Variants in GRM5 observed in about 807,000 individuals in gnomAD.
The protein encoded by GRM5 is glutamate metabotropic receptor 5, also known as metabotropic glutamate receptor 5.
GRM5 carries 19 observed loss-of-function variants against 83.1 expected under a neutral mutation model. The observed-to-expected ratio is 0.23, with a 90% CI of 0.16 to 0.34. GRM5 has a LOEUF of 0.34. Ranked by LOEUF, GRM5 falls within the 10% of genes least tolerant of loss-of-function variation. The probability of loss-of-function intolerance (pLI) is 1.00; values close to 1 mark genes in which losing one functional copy is unlikely to be tolerated. For synonymous variants in GRM5, 675 were observed against 633.6 expected, an observed-to-expected ratio of 1.07 and a Z score of -0.98; for missense variants, 1,160 against 1,588.3, an observed-to-expected ratio of 0.73 and a Z score of 4.58.
At chr11:88,723,962 G>T (rs1941610686) in intron 3 of GRM5, among the ~76,000 whole-genome samples, 2 of 152,004 alleles carry the variant, frequency 1.3e-5, no homozygotes. Flanking sequence ...CTTCTATTTG[G>T]ATATCCATTA....
At chr11:88,531,485 T>C (rs1216715783) in intron 8 of GRM5, among the ~76,000 whole-genome samples, 2 of 152,186 alleles carry the variant, frequency 1.3e-5, no homozygotes, top group Admixed American at 6.5e-5. Context: ...ATGAATTCTT[T>C]CCTCATTTTT....
chr11:88,630,554 CACACACACACACACACACAA>C (rs1301075992), intron 4 of GRM5, among the ~76,000 whole-genome samples: 556 of 28,474 alleles, frequency 0.02, 2 homozygotes, highest in African/African-American at 0.047. Flanking sequence ...CACACACACA[CACACACACACACACACACAA>C]ACACACACAC....
rs544404398 is a variant in GRM5 at position 89,047,785 on chromosome 11, G to A, written c.88C>T (p.His30Tyr). 7.4e-6 allele frequency: 12 copies of A among 1,613,898 alleles called. No homozygotes were observed. The East Asian group carries it at 2.2e-4, about 30-fold the overall frequency. The change falls in exon 2 of 10, where the codon CAC (histidine) becomes TAC (tyrosine). Residue 30 changes from histidine (H) to tyrosine (Y), a missense_variant. By Grantham distance (83) the His-to-Tyr change is moderately conservative. This residue lies in a region of GRM5 where 71 missense variants were observed against 145.8 expected (regional missense o/e 0.49). Coordinates refer to ENST00000305447, the MANE Select transcript of GRM5 (RefSeq NM_001143831.3). The surrounding 1 kb of genome is among the most constrained non-coding windows in gnomAD (Gnocchi z 5.1). ...AQSSERRVVA[H>Y]MPGDIIIGAL... ...CCAATAATGATGTCACCCGGCATGT[G>A]AGCCACCACCCTCCTCTCACTGGAC...
intron 2 of GRM5, among the ~76,000 whole-genome samples, chr11:88,931,707 T>C (rs1937711137): frequency 6.6e-6 from 1 of 152,158 alleles, no homozygotes; most frequent in African/African-American, 2.4e-5. Flanking sequence ...AACTGAGAAT[T>C]ATTTTATTGT....
chr11:88,577,614 C>T (rs139718231), intron 7 of GRM5, among the ~76,000 whole-genome samples: 383 of 152,198 alleles, frequency 2.5e-3, no homozygotes, highest in Non-Finnish European at 4.0e-3. Context: ...TTCTTTAATA[C>T]CTACAAGGTC....
chr11:88,603,924 C>G (rs1459737595), intron 5 of GRM5, among the ~76,000 whole-genome samples: 1 of 152,128 alleles, frequency 6.6e-6, no homozygotes, highest in Non-Finnish European at 1.5e-5. Context: ...CACTGAGAGA[C>G]CAAAGGACCC....
At chr11:88,820,701 C>T (rs12279285) in intron 3 of GRM5, among the ~76,000 whole-genome samples, 4 of 152,106 alleles carry the variant, frequency 2.6e-5, no homozygotes, top group Admixed American at 2.0e-4. Context: ...CAAAATATTT[C>T]GTAAATGTCT....
chr11:88,566,468 T>C (rs975169171), intron 8 of GRM5, among the ~76,000 whole-genome samples: 6 of 152,184 alleles, frequency 3.9e-5, no homozygotes, highest in Non-Finnish European at 1.5e-5. Flanking sequence ...GCAAAGTCAC[T>C]TTGTTGTTTT....
At chr11:88,943,886 C>T (rs1362068911) in intron 2 of GRM5, among the ~76,000 whole-genome samples, 3 of 151,944 alleles carry the variant, frequency 2.0e-5, no homozygotes, top group African/African-American at 4.8e-5. Context: ...TTCAACCAAC[C>T]GAGCACAGAC....
intron 3 of GRM5, among the ~76,000 whole-genome samples, chr11:88,773,338 A>T (rs1381104295): frequency 6.6e-6 from 1 of 151,932 alleles, no homozygotes; most frequent in East Asian, 1.9e-4. Flanking sequence ...TTCTTTGTAG[A>T]TTCTGGATAT....
chr11:88,558,192 A>T (rs1942669879), intron 8 of GRM5, among the ~76,000 whole-genome samples: 1 of 152,110 alleles, frequency 6.6e-6, no homozygotes, highest in Admixed American at 6.6e-5. Flanking sequence ...AAGCATAAGG[A>T]TCCTTTGCCT....
In GRM5 at chr11:88,604,844, G is replaced by T; in HGVS notation, c.1268C>A (p.Ala423Glu). ...TGGCTTCATGGCATCACAGAGTCCT[G>T]CATAGCCTGGGCAGAGGGACATCTG... is the stretch of plus-strand genomic sequence containing the variant. ...NMQMSLCPGY[A>E]GLCDAMKPID... Residue 423 changes from alanine to glutamate, a missense_variant, in exon 5 of 10, where the codon GCA (alanine) becomes GAA (glutamate). Ala to Glu is a moderately radical substitution (Grantham distance 107). This residue lies in a region of GRM5 where 132 missense variants were observed against 197.6 expected (regional missense o/e 0.67). Coordinates refer to ENST00000305447, the MANE Select transcript of GRM5 (RefSeq NM_001143831.3). 2 of 1,613,964 alleles carry T rather than the reference G, an allele frequency of 1.2e-6. No individual in the cohort carries two copies. Among genetic ancestry groups the T allele is most frequent in the East Asian group, 2.2e-5 (1 of 44,868 alleles).
At chr11:88,715,705 C>T (rs1330637442) in intron 3 of GRM5, among the ~76,000 whole-genome samples, 2 of 151,900 alleles carry the variant, frequency 1.3e-5, no homozygotes, top group East Asian at 1.9e-4. Flanking sequence ...TTACTGTGTG[C>T]CAACTATGTT....
chr11:88,584,205 T>TACACAC (rs10526384), intron 7 of GRM5, among the ~76,000 whole-genome samples: 2,941 of 144,292 alleles, frequency 0.02, 83 homozygotes, highest in African/African-American at 0.066. Context: ...TGTTTCAAAT[T>TACACAC]ACACACACAC....
At chr11:88,688,156 C>T (rs1311081572) in intron 3 of GRM5, among the ~76,000 whole-genome samples, 1 of 152,114 alleles carries the variant, frequency 6.6e-6, no homozygotes, top group Non-Finnish European at 1.5e-5. Context: ...AAAAGTGAAG[C>T]TCTATAAAGA....
intron 2 of GRM5, among the ~76,000 whole-genome samples, chr11:88,889,949 G>T (rs996116284): frequency 1.1e-4 from 16 of 152,170 alleles, no homozygotes; most frequent in African/African-American, 3.9e-4. Context: ...GTTCAGTTTT[G>T]CTTTGTGTGT....
intron 3 of GRM5, among the ~76,000 whole-genome samples, chr11:88,787,666 C>T (rs1395068931): frequency 1.3e-5 from 2 of 151,822 alleles, no homozygotes; most frequent in African/African-American, 2.4e-5. Context: ...GATGGTGATG[C>T]ATGGATATGT....
chr11:88,828,558 A>G (rs988224856), intron 3 of GRM5, among the ~76,000 whole-genome samples: 1 of 152,210 alleles, frequency 6.6e-6, no homozygotes, highest in African/African-American at 2.4e-5. Context: ...TCTAAATAGT[A>G]AAATAACAAA....
At chr11:88,599,789 A>G (rs1197575270) in intron 5 of GRM5, among the ~76,000 whole-genome samples, 4 of 152,078 alleles carry the variant, frequency 2.6e-5, no homozygotes, top group Non-Finnish European at 5.9e-5. Flanking sequence ...TGAGGCGGGC[A>G]GATCATGAGG....
Sources: gnomAD v4.1 joint callset for allele counts (sites outside exome capture counted in the v4.1 genomes callset) on GRCh38, gnomAD v4.1.1 for gene constraint, gnomAD v4.1.1 regional missense constraint, Gnocchi (gnomAD v3.1) non-coding constraint, MANE v1.5 for transcripts, NCBI Gene and HGNC (gene_info 2026-07-23, HGNC 2026-07-21) for gene names.